Variants in KCNH7 observed in about 807,000 individuals in gnomAD.
KCNH7 encodes voltage-gated inwardly rectifying potassium channel KCNH7.
Under a neutral mutation model 120.8 loss-of-function variants are expected in KCNH7, and 49 were observed. The observed-to-expected ratio is 0.41, with a 90% CI of 0.32 to 0.51. The LOEUF (loss-of-function observed/expected upper bound fraction) is 0.51. Among genes scored for constraint, KCNH7 ranks in the 20% least tolerant of loss-of-function variants. The pLI, the probability that KCNH7 is intolerant of heterozygous loss-of-function variation, is 0.38. For synonymous variants in KCNH7, 547 were observed against 516.1 expected (o/e 1.06, Z -0.81); for missense variants, 1,097 against 1,446.6 (o/e 0.76, Z 3.92).
intron 2 of KCNH7, among the ~76,000 whole-genome samples, chr2:162,561,366 A>G (rs1234529425): frequency 6.6e-6 from 1 of 152,168 alleles, no homozygotes; most frequent in Non-Finnish European, 1.5e-5. Flanking sequence ...GAAAATGTAA[A>G]CTTTCTAGTA....
chr2:162,766,954 C>G (rs1175161251), intron 2 of KCNH7, among the ~76,000 whole-genome samples: 1 of 146,876 alleles, frequency 6.8e-6, no homozygotes, highest in African/African-American at 2.6e-5. Context: ...ATGCTCTGTA[C>G]ATTGTTCTTT....
intron 14 of KCNH7, among the ~76,000 whole-genome samples, chr2:162,375,024 A>G (rs1046597725): frequency 5.3e-5 from 8 of 152,172 alleles, no homozygotes; most frequent in African/African-American, 1.7e-4. Context: ...TGTGTTATAC[A>G]TATTTTTCTT....
chr2:162,711,470 G>A (rs939541199), intron 2 of KCNH7, among the ~76,000 whole-genome samples: 5 of 152,188 alleles, frequency 3.3e-5, no homozygotes, highest in East Asian at 3.8e-4. Context: ...TGCAACGTGC[G>A]TTGCTCAACA....
intron 2 of KCNH7, among the ~76,000 whole-genome samples, chr2:162,646,892 G>A (rs919326458): frequency 6.6e-6 from 1 of 152,186 alleles, no homozygotes; most frequent in African/African-American, 2.4e-5. Flanking sequence ...TGAACTTTGA[G>A]CAAAAAACCC....
At chr2:162,636,850 T>A (rs1683978940) in intron 2 of KCNH7, among the ~76,000 whole-genome samples, 1 of 152,104 alleles carries the variant, frequency 6.6e-6, no homozygotes, top group Admixed American at 6.6e-5. Context: ...CTGATACATT[T>A]TACTGAGTAA....
In KCNH7 at chr2:162,504,656, C is replaced by T. The variant is rs770246973; in HGVS notation, c.915G>A (p.Gly305=). ...ASEDNGRNVK[G]PFNHIKSSLL... is the part of the protein sequence containing the mutation. ...GGCTTGACTTGATATGATTAAAAGG[C>T]CCTAAAAAAATGGAAAGTATTTGTA... The change falls in exon 6 of 16, where the codon GGG becomes GGA. Residue 305 remains glycine, a splice_region_variant and synonymous_variant. Transcript: ENST00000332142. 75 of 1,599,998 alleles carry T rather than the reference C, an allele frequency of 4.7e-5. No individual in the cohort carries two copies. Among genetic ancestry groups the T allele is most frequent in the Non-Finnish European group, 6.0e-5 (70 of 1,169,728 alleles).
At chr2:162,449,374 C>G (rs1373321924) in intron 6 of KCNH7, among the ~76,000 whole-genome samples, 3 of 152,006 alleles carry the variant, frequency 2.0e-5, no homozygotes, top group Non-Finnish European at 4.4e-5. Context: ...ATTAGAACTT[C>G]TTATGCTTAT....
intron 2 of KCNH7, among the ~76,000 whole-genome samples, chr2:162,835,427 A>G (rs1685627838): frequency 6.6e-6 from 1 of 152,068 alleles, no homozygotes; most frequent in Admixed American, 6.6e-5. Flanking sequence ...GCTATGGCAC[A>G]CTACATATTT....
At chr2:162,606,740 A>G (rs2105963073) in intron 2 of KCNH7, among the ~76,000 whole-genome samples, 1 of 152,348 alleles carries the variant, frequency 6.6e-6, no homozygotes, top group African/African-American at 2.4e-5. Context: ...AGCAAACAAA[A>G]TATCTTGAGA....
intron 2 of KCNH7, among the ~76,000 whole-genome samples, chr2:162,692,163 C>T (rs949836633): frequency 7.3e-5 from 11 of 151,396 alleles, no homozygotes; most frequent in Non-Finnish European, 1.5e-4. Flanking sequence ...GCTCTGTAGC[C>T]CAGTCTGGAG....
intron 2 of KCNH7, among the ~76,000 whole-genome samples, chr2:162,786,171 A>T (rs1018237847): frequency 7.3e-6 from 1 of 137,084 alleles, no homozygotes; most frequent in African/African-American, 2.8e-5. Flanking sequence ...TGAACCAGGG[A>T]GGTGGAAGCT....
At chr2:162,783,997 A>C (rs933087600) in intron 2 of KCNH7, among the ~76,000 whole-genome samples, 1 of 152,140 alleles carries the variant, frequency 6.6e-6, no homozygotes. Context: ...GTCTGAATAA[A>C]ATATATGTTG....
At chr2:162,528,161 A>G (rs1037671926) in intron 3 of KCNH7, 4 of 152,022 alleles carry the variant, frequency 2.6e-5, no homozygotes, top group African/African-American at 9.7e-5. Flanking sequence ...TATGTCTTCT[A>G]CGAACATGTA....
At chr2:162,761,400 T>C (rs1409542361) in intron 2 of KCNH7, among the ~76,000 whole-genome samples, 3 of 152,110 alleles carry the variant, frequency 2.0e-5, no homozygotes, top group African/African-American at 7.2e-5. Flanking sequence ...GATGAGATTA[T>C]CAGAGGCTTT....
chr2:162,739,552 G>A (rs71424754), intron 2 of KCNH7, among the ~76,000 whole-genome samples: 3,030 of 152,208 alleles, frequency 0.02, 68 homozygotes, highest in East Asian at 0.11. Flanking sequence ...GGAATACATT[G>A]CTCCAGGTCC....
chr2:162,405,262 G>A (rs1245367236), intron 9 of KCNH7, among the ~76,000 whole-genome samples: 1 of 151,964 alleles, frequency 6.6e-6, no homozygotes. Flanking sequence ...ACTTACAAAT[G>A]AGAATTTGTT....
chr2:162,670,051 A>G (rs1685289267), intron 2 of KCNH7, among the ~76,000 whole-genome samples: 1 of 152,112 alleles, frequency 6.6e-6, no homozygotes, highest in Non-Finnish European at 1.5e-5. Context: ...AGTGAGCAGG[A>G]GATTGCGCCA....
intron 2 of KCNH7, among the ~76,000 whole-genome samples, chr2:162,596,125 A>G (rs1242865014): frequency 6.6e-6 from 1 of 152,084 alleles, no homozygotes; most frequent in Admixed American, 6.6e-5. Flanking sequence ...TAAAATGTCC[A>G]TCTTATCCAA....
chr2:162,755,422 A>G (rs1688756492), intron 2 of KCNH7, among the ~76,000 whole-genome samples: 2 of 152,182 alleles, frequency 1.3e-5, no homozygotes, highest in African/African-American at 2.4e-5. Flanking sequence ...TGGTGAGCTG[A>G]GATCATGTCA....
Sources: allele counts gnomAD v4.1 joint callset (sites outside exome capture counted in the v4.1 genomes callset), GRCh38; gene constraint gnomAD v4.1.1; transcripts MANE v1.5; gene names NCBI Gene and HGNC (gene_info 2026-07-23, HGNC 2026-07-21).